CTBP2: variants seen among roughly 807,000 people sequenced by gnomAD.
CTBP2 encodes C-terminal-binding protein 2.
In CTBP2, 30 loss-of-function variants were observed where a neutral mutation model predicts 80.3. The ratio of observed to expected loss-of-function variants is 0.37; its 90% CI spans 0.28 to 0.51. CTBP2 has a LOEUF of 0.51. Ranked by LOEUF, CTBP2 falls within the 20% of genes least tolerant of loss-of-function variation. CTBP2 has a pLI of 0.93. For missense variants in CTBP2, 1,212 were observed against 1,375.3 expected (o/e 0.88, Z 1.88); for synonymous variants, 594 against 587.4 (o/e 1.01, Z -0.16).
chr10:125,017,016 C>T (rs1956563943), intron 1 of CTBP2, among the ~76,000 whole-genome samples: 1 of 152,224 alleles, frequency 6.6e-6, no homozygotes, highest in Admixed American at 6.5e-5. Context: ...CATTCAGTTC[C>T]GCAGGCAGAG....
At chr10:125,030,966 G>A (rs1346832910), upstream of CTBP2, among the ~76,000 whole-genome samples, 6 of 152,178 alleles carry the variant, frequency 3.9e-5, no homozygotes, top group African/African-American at 7.2e-5. Context: ...GCTCTTCAGC[G>A]CCTGCTGCAT....
chr10:125,035,166 A>C (rs539975237), intron 3 of CTBP2, among the ~76,000 whole-genome samples: 2 of 152,300 alleles, frequency 1.3e-5, no homozygotes, highest in East Asian at 3.9e-4. Flanking sequence ...TCCTGCGACA[A>C]AGGTGATGCA....
intron 3 of CTBP2, among the ~76,000 whole-genome samples, chr10:125,033,343 T>A (rs1958464890): frequency 6.6e-6 from 1 of 152,040 alleles, no homozygotes; most frequent in Non-Finnish European, 1.5e-5. Context: ...ACTCTGTAGA[T>A]GGAGATGAGA....
chr10:125,049,987 A>G lies in CTBP2; in HGVS notation c.-101-10832T>C, dbSNP rs561003509. On this transcript the variant is annotated intron_variant, in intron 2 of 10. Transcript: ENST00000337195. ...TGTGGGGCCAACTGTTTAGGACACC[A>G]GTAGTTTGGGCATGCACTGGGATAA... 2.4e-4 allele frequency among the ~76,000 whole-genome samples: 37 copies of G among 152,344 alleles called. 1 individual carries two copies. Among genetic ancestry groups the G allele is most frequent in the Non-Finnish European group, 4.9e-4 (33 of 68,036 alleles).
intron 2 of CTBP2, among the ~76,000 whole-genome samples, chr10:125,053,597 T>C (rs2135237552): frequency 6.6e-6 from 1 of 151,760 alleles, no homozygotes; most frequent in Non-Finnish European, 1.5e-5. Flanking sequence ...AGAGAAGGGG[T>C]GAGGCTAATA....
At chr10:125,007,644 T>C (rs1287531334) in intron 1 of CTBP2, among the ~76,000 whole-genome samples, 1 of 152,162 alleles carries the variant, frequency 6.6e-6, no homozygotes, top group East Asian at 1.9e-4. Flanking sequence ...CTCAGTACCA[T>C]GCAAGGCAAA....
intron 3 of CTBP2, chr10:124,999,163 T>C (rs1954080580): frequency 6.6e-6 from 1 of 152,330 alleles, no homozygotes; most frequent in African/African-American, 2.4e-5. Flanking sequence ...GAGGGTGGGC[T>C]CAGCAGCCAG....
At chr10:125,048,237 G>A (rs1961756161) in intron 2 of CTBP2, among the ~76,000 whole-genome samples, 1 of 152,122 alleles carries the variant, frequency 6.6e-6, no homozygotes, top group Non-Finnish European at 1.5e-5. Flanking sequence ...CCAGCGATGG[G>A]GCCCTTTGGC....
chr10:125,146,438 G>T (rs1858788532), intron 1 of CTBP2, among the ~76,000 whole-genome samples: 1 of 146,708 alleles, frequency 6.8e-6, no homozygotes, highest in East Asian at 2.0e-4. Context: ...GCGCCACCAC[G>T]CATGGCTAAT....
chr10:125,031,452 G>C (rs1365608989), upstream of CTBP2, among the ~76,000 whole-genome samples: 1 of 119,650 alleles, frequency 8.4e-6, no homozygotes, highest in Non-Finnish European at 1.6e-5. Flanking sequence ...CAGAACCATT[G>C]CATTCCAGCC....
intron 7 of CTBP2, 80 bp downstream of exon 9, chr10:124,993,122 C>T (rs1437813051): frequency 1.3e-6 from 2 of 1,514,246 alleles, no homozygotes; most frequent in African/African-American, 2.8e-5. Context: ...CGAGAGCTGC[C>T]TGTAGCCAGC....
At chr10:125,155,469 A>C (rs564689411) in intron 1 of CTBP2, among the ~76,000 whole-genome samples, 1 of 152,080 alleles carries the variant, frequency 6.6e-6, no homozygotes, top group Non-Finnish European at 1.5e-5. Context: ...GCCCAAGTGC[A>C]GCCATAATTT....
chr10:125,061,199 T>C (rs1964901850), intron 2 of CTBP2, among the ~76,000 whole-genome samples: 1 of 152,224 alleles, frequency 6.6e-6, no homozygotes. Flanking sequence ...GCTAAGCAAA[T>C]TGCTAAAGCA....
chr10:125,152,081 CG>C (rs1554962460), intron 1 of CTBP2, among the ~76,000 whole-genome samples: 3 of 150,448 alleles, frequency 2.0e-5, no homozygotes, highest in African/African-American at 7.3e-5. Flanking sequence ...AAGTGCCCTG[CG>C]GGGGGAAGAG....
At chr10:124,991,354 C>G (rs113792183) in intron 8 of CTBP2, among the ~76,000 whole-genome samples, 26 of 152,260 alleles carry the variant, frequency 1.7e-4, no homozygotes, top group African/African-American at 6.0e-4. Context: ...TCTAGGGGGC[C>G]TAAGAGCCCC....
At chr10:125,143,068 T>C (rs1435738485) in intron 1 of CTBP2, among the ~76,000 whole-genome samples, 1 of 152,152 alleles carries the variant, frequency 6.6e-6, no homozygotes, top group African/African-American at 2.4e-5. Context: ...AATCCACCAC[T>C]GTTTTGCTGA....
At chr10:125,104,223 C>A (rs543843584) in intron 2 of CTBP2, among the ~76,000 whole-genome samples, 41 of 152,126 alleles carry the variant, frequency 2.7e-4, no homozygotes, top group African/African-American at 9.7e-4. Flanking sequence ...ACAGGAGGAC[C>A]CTGTGCGGGC....
chr10:124,989,730 G>T, intron 8 of CTBP2, 32 bp from the exon 11 acceptor site: 7 of 1,524,256 alleles, frequency 4.6e-6, no homozygotes, highest in Non-Finnish European at 6.2e-6. Flanking sequence ...GGCCTTGTAA[G>T]TTCAGGGCAG....
intron 3 of CTBP2, among the ~76,000 whole-genome samples, chr10:125,035,445 G>A (rs1175461386): frequency 6.6e-6 from 1 of 152,166 alleles, no homozygotes; most frequent in Non-Finnish European, 1.5e-5. Flanking sequence ...ATCCTCGGGG[G>A]ACCATTTTCC....
Sources: allele counts gnomAD v4.1 joint callset (sites outside exome capture counted in the v4.1 genomes callset), GRCh38; gene constraint gnomAD v4.1.1; transcripts MANE v1.5; gene names NCBI Gene and HGNC (gene_info 2026-07-23, HGNC 2026-07-21).